Variants in PAQR5 observed in about 807,000 individuals in gnomAD.
PAQR5 encodes the protein progestin and adipoQ receptor family member 5, also known as membrane progestin receptor gamma.
Under a neutral mutation model 34.5 loss-of-function variants are expected in PAQR5, and 20 were observed. The observed-to-expected ratio is 0.58, with a 90% confidence interval of 0.41 to 0.84. The LOEUF is 0.84. PAQR5 is among the 40% of genes least tolerant of loss of function. The pLI is 0.00. For synonymous variants in PAQR5, 131 were observed against 155.6 expected (o/e 0.84, Z 1.18); for missense variants, 378 against 412.7 (o/e 0.92, Z 0.73).
At chr15:69,331,961 C>T (rs1002134941) in intron 1 of PAQR5, among the ~76,000 whole-genome samples, 5 of 152,044 alleles carry the variant, frequency 3.3e-5, no homozygotes, top group African/African-American at 1.2e-4. Context: ...ATAGCACAAG[C>T]GAGCAGGGTC....
intron 6 of PAQR5, among the ~76,000 whole-genome samples, chr15:69,390,320 T>TCTTA (rs1464623439): frequency 1.2e-4 from 16 of 133,370 alleles, no homozygotes; most frequent in Non-Finnish European, 2.1e-4. Context: ...CTGACCTGTT[T>TCTTA]TTTATTTATT....
At chr15:69,303,446 A>G (rs1407345596) in intron 1 of PAQR5, among the ~76,000 whole-genome samples, 1 of 152,100 alleles carries the variant, frequency 6.6e-6, no homozygotes, top group Non-Finnish European at 1.5e-5. Context: ...TCCATCCTCA[A>G]AGAAAACCTC....
Position 69,380,153 on chromosome 15 carries a change from G to A in PAQR5, c.179+143G>A. ...CCGTGGGTACACGCGGGTGAAGGGAGTGTGTGACAGAGGGAAGAGACATTG... is the reference window on the plus strand; with the variant it reads ...CCGTGGGTACACGCGGGTGAAGGGAATGTGTGACAGAGGGAAGAGACATTG... On this transcript the variant is annotated intron_variant, in intron 4 of 8. Coordinates refer to ENST00000395407, the MANE Select transcript of PAQR5 (RefSeq NM_017705.4). 3 of 822,846 alleles carry A rather than the reference G, an allele frequency of 3.6e-6. No homozygotes were observed. The South Asian group carries it at 4.9e-5, about 14-fold the overall frequency. 51.0% of individuals were successfully genotyped at this position (822,846 alleles called of 1,614,324 possible).
intron 1 of PAQR5, among the ~76,000 whole-genome samples, chr15:69,312,378 C>T (rs1168255800): frequency 2.6e-5 from 4 of 152,020 alleles, no homozygotes; most frequent in African/African-American, 9.7e-5. Context: ...GTGTTCCAAC[C>T]TTGCATTAGG....
In PAQR5 at chr15:69,404,773, A is replaced by AGT. The variant is rs1316677113; in HGVS notation, c.*954_*955dup. 4 of 396,144 alleles carry AGT rather than the reference A, an allele frequency of 1.0e-5. No individual in the cohort carries two copies. Among genetic ancestry groups the AGT allele is most frequent in the African/African-American group, 8.2e-5 (4 of 48,608 alleles). 24.5% of individuals were successfully genotyped at this position (396,144 alleles called of 1,614,324 possible). On this transcript the variant is annotated 3_prime_UTR_variant, in exon 9 of 9. Transcript: ENST00000395407. ...CCTTGCCAGTGGGGTGGTCACATAT[A>AGT]GTGTTCTCAAGCTTTACTGTGAATC...
Position 69,407,354 on chromosome 15 carries a change from C to T in PAQR5, c.*3532C>T, listed in dbSNP as rs1255887531. On this transcript the variant is annotated 3_prime_UTR_variant, in exon 9 of 9. Transcript: ENST00000395407. The stretch of plus-strand genomic sequence containing the variant: ...ATGCTGCCCAGGCTGGCTTAGAATT[C>T]CTGAATTCAAGTGATTTGTCTGCCT... The T allele has an allele frequency of 6.6e-6, 1 of 152,212 alleles. No homozygotes were observed. The highest frequency in any genetic ancestry group is 2.4e-5 in the African/African-American group (1 of 41,440). 9.4% of individuals were successfully genotyped at this position (152,212 alleles called of 1,614,324 possible).
At chr15:69,349,164 C>T (rs571624851) in intron 2 of PAQR5, among the ~76,000 whole-genome samples, 1 of 152,156 alleles carries the variant, frequency 6.6e-6, no homozygotes, top group South Asian at 2.1e-4. Flanking sequence ...GCATCCCCAC[C>T]CACAATGGTA....
chr15:69,315,906 C>T (rs1480438665), intron 1 of PAQR5, among the ~76,000 whole-genome samples: 1 of 152,088 alleles, frequency 6.6e-6, no homozygotes, highest in Non-Finnish European at 1.5e-5. Flanking sequence ...TCCCCTTGGG[C>T]TCGGGGCAGT....
intron 3 of PAQR5, among the ~76,000 whole-genome samples, chr15:69,368,960 G>A (rs1216892337): frequency 6.6e-6 from 1 of 151,966 alleles, no homozygotes; most frequent in Non-Finnish European, 1.5e-5. Flanking sequence ...GTAGAGATGA[G>A]GGTGTCTCAC....
intron 6 of PAQR5, chr15:69,397,062 CAG>C (rs2056457289): frequency 4.9e-6 from 2 of 408,624 alleles, no homozygotes; most frequent in African/African-American, 2.0e-5. Flanking sequence ...TCAGCCTCTG[CAG>C]AGTGTGCCCC....
At chr15:69,368,249 C>T (rs989120758) in intron 3 of PAQR5, among the ~76,000 whole-genome samples, 3 of 152,204 alleles carry the variant, frequency 2.0e-5, no homozygotes, top group Non-Finnish European at 2.9e-5. Flanking sequence ...GATGTGGTTT[C>T]ACCATGTTGG....
chr15:69,358,426 C>A (rs2055136080), intron 2 of PAQR5, among the ~76,000 whole-genome samples: 2 of 152,080 alleles, frequency 1.3e-5, no homozygotes, highest in African/African-American at 2.4e-5. Flanking sequence ...TCTGAGGCAG[C>A]TCCTGACCCT....
At chr15:69,355,293 TTTC>T (rs1238935995) in intron 2 of PAQR5, among the ~76,000 whole-genome samples, 73 of 85,840 alleles carry the variant, frequency 8.5e-4, no homozygotes, top group Admixed American at 3.1e-3. Flanking sequence ...CTTTCTTTTC[TTTC>T]TTTCTTTCTT....
At chr15:69,360,234 C>A (rs181020508) in intron 3 of PAQR5, 103 bp downstream of exon 3, 3 of 783,266 alleles carry the variant, frequency 3.8e-6, no homozygotes, top group African/African-American at 1.7e-5. Context: ...TCTGTACAGG[C>A]CCATTCCCTT....
chr15:69,342,289 T>C (rs2054663636), intron 2 of PAQR5, among the ~76,000 whole-genome samples: 1 of 5,198 alleles, frequency 1.9e-4, no homozygotes, highest in Non-Finnish European at 3.1e-3. Flanking sequence ...ATTATTATTA[T>C]TATTATTATT....
intron 1 of PAQR5, among the ~76,000 whole-genome samples, chr15:69,321,435 G>A (rs113673592): frequency 0.016 from 2,450 of 152,204 alleles, 70 homozygotes; most frequent in African/African-American, 0.055. Context: ...ACGTCATATC[G>A]TTTTATCTGC....
At chr15:69,314,262 G>A (rs1779786457) in intron 1 of PAQR5, 1 of 152,122 alleles carries the variant, frequency 6.6e-6, no homozygotes, top group Non-Finnish European at 1.5e-5. Flanking sequence ...TTAAGCGTGG[G>A]CTTAACCAAG....
At chr15:69,331,692 C>T (rs921487747) in intron 1 of PAQR5, among the ~76,000 whole-genome samples, 3 of 152,178 alleles carry the variant, frequency 2.0e-5, no homozygotes, top group African/African-American at 7.2e-5. Context: ...GAGGTCATCC[C>T]TCCCCTCCCC....
rs975993358 is a variant in PAQR5 at position 69,370,173 on chromosome 15, T to G, written c.52-9710T>G. Among the ~76,000 whole-genome samples, 3 of 152,232 alleles carry G rather than the reference T, an allele frequency of 2.0e-5. No individual in the cohort carries two copies. In the East Asian group the frequency reaches 5.8e-4, roughly 29 times the overall value. On this transcript the variant is annotated intron_variant, in intron 3 of 8. Transcript: ENST00000395407. Reference sequence around the variant, plus strand: ...TATAAAACATGTTTGTAGCAATCCTTGGTTCCACCAGCTGGGTGCTGTGAA... The same window carrying G: ...TATAAAACATGTTTGTAGCAATCCTGGGTTCCACCAGCTGGGTGCTGTGAA...
Sources: allele counts gnomAD v4.1 joint callset (sites outside exome capture counted in the v4.1 genomes callset), GRCh38; gene constraint gnomAD v4.1.1; transcripts MANE v1.5; gene names NCBI Gene and HGNC (gene_info 2026-07-23, HGNC 2026-07-21).